Variants in ESCO2 observed in about 807,000 individuals in gnomAD.
The protein encoded by ESCO2 is N-acetyltransferase ESCO2.
A neutral mutation model predicts 61.7 loss-of-function variants in ESCO2; 51 were observed. The observed-to-expected ratio is 0.83, with a 90% confidence interval of 0.66 to 1.04. The LOEUF (loss-of-function observed/expected upper bound fraction) is 1.04. Among genes scored for constraint, ESCO2 ranks in the 50% least tolerant of loss-of-function variants. The probability of loss-of-function intolerance (pLI) is 0.00; values close to 1 mark genes in which losing one functional copy is unlikely to be tolerated. For missense variants in ESCO2, 692 were observed against 686.2 expected (o/e 1.01, Z -0.09); for synonymous variants, 230 against 238.2 (o/e 0.97, Z 0.32).
chr8:27,802,883 A>C (rs557529903), intron 10 of ESCO2, among the ~76,000 whole-genome samples: 1 of 151,176 alleles, frequency 6.6e-6, no homozygotes, highest in East Asian at 2.0e-4. Flanking sequence ...AGTAGCTGGG[A>C]CTACAGGCAT....
Position 27,775,506 on chromosome 8 carries a change from A to T in ESCO2, c.-9A>T, listed in dbSNP as rs750009035. Reference sequence around the variant, plus strand: ...TATTGTCATTTCTTTTAGGAATTCAATAAAGAAAATGGCAGCTCTTACTCC... The same window carrying T: ...TATTGTCATTTCTTTTAGGAATTCATTAAAGAAAATGGCAGCTCTTACTCC... On this transcript the variant is annotated 5_prime_UTR_variant, in exon 2 of 11. Coordinates refer to ENST00000305188, the MANE Select transcript of ESCO2 (RefSeq NM_001017420.3). 2 of 1,613,382 alleles carry T rather than the reference A, an allele frequency of 1.2e-6. No homozygotes were observed. The highest frequency in any genetic ancestry group is 1.7e-6 in the Non-Finnish European group (2 of 1,179,406).
intron 5 of ESCO2, among the ~76,000 whole-genome samples, chr8:27,785,954 CAAG>C (rs1340614641): frequency 2.0e-5 from 3 of 152,046 alleles, no homozygotes; most frequent in Admixed American, 1.3e-4. Context: ...GTCTTGCTAT[CAAG>C]GAGGTTATGG....
rs1372430419 is a variant in ESCO2, at chr8:27,792,817, G to T, written c.1497+6G>T. On this transcript the variant is annotated splice_donor_region_variant and intron_variant, in intron 9 of 10. Coordinates refer to ENST00000305188, the MANE Select transcript of ESCO2 (RefSeq NM_001017420.3). ...TTGCAGAACCCATCAAACAGGTATG[G>T]TATATTTGTTTTAAATTATTGGCAT... The T allele has an allele frequency of 3.2e-6, 5 of 1,568,632 alleles. No individual in the cohort carries two copies. Among genetic ancestry groups the T allele is most frequent in the Non-Finnish European group, 4.3e-6 (5 of 1,160,690 alleles).
At chr8:27,809,035 G>A (rs1805618558), downstream of ESCO2, among the ~76,000 whole-genome samples, 1 of 152,082 alleles carries the variant, frequency 6.6e-6, no homozygotes, top group Admixed American at 6.6e-5. Context: ...ATGTATTAAA[G>A]AGCCAATTCA....
Position 27,776,860 on chromosome 8 carries a change from A to T in ESCO2, c.552A>T (p.Ser184=). The T allele has an allele frequency of 1.2e-6, 2 of 1,614,190 alleles. No individual in the cohort carries two copies. Among genetic ancestry groups the T allele is most frequent in the Non-Finnish European group, 1.7e-6 (2 of 1,180,040 alleles). ...TGGAGAAGGAAAATAATTGTCATTCAGCTGAAAATAATTCCAATGCTCCTC... is the reference window on the plus strand; with the variant it reads ...TGGAGAAGGAAAATAATTGTCATTCTGCTGAAAATAATTCCAATGCTCCTC... ...PIVEKENNCH[S]AENNSNAPRV... The change falls in exon 3 of 11, where the codon TCA becomes TCT. Residue 184 remains serine (S), a synonymous_variant. Coordinates refer to ENST00000305188, the MANE Select transcript of ESCO2 (RefSeq NM_001017420.3).
chr8:27,777,319 A>G, intron 3 of ESCO2, 150 bp downstream of exon 3: 2 of 731,194 alleles, frequency 2.7e-6, no homozygotes, highest in Non-Finnish European at 4.2e-6. Flanking sequence ...TTATTTATTT[A>G]TTTTAAGACA....
chr8:27,808,161 A>G (rs754820693), downstream of ESCO2: 10 of 1,029,466 alleles, frequency 9.7e-6, no homozygotes, highest in South Asian at 1.7e-4. Flanking sequence ...TGTCTAGTTT[A>G]AAATCCTTTC....
intron 3 of ESCO2, chr8:27,779,547 CTT>C (rs756504029): frequency 2.0e-5 from 3 of 152,178 alleles, no homozygotes; most frequent in Non-Finnish European, 2.9e-5. Flanking sequence ...GCTGGGGAAA[CTT>C]TTGCCATTTT....
downstream of ESCO2, chr8:27,809,579 C>T (rs1383745985): frequency 6.6e-6 from 1 of 152,014 alleles, no homozygotes; most frequent in East Asian, 1.9e-4. Context: ...AGTTTAATGA[C>T]AACACTCAAA....
At chr8:27,784,764 C>T (rs1039341703) in intron 5 of ESCO2, among the ~76,000 whole-genome samples, 3 of 152,160 alleles carry the variant, frequency 2.0e-5, no homozygotes, top group African/African-American at 7.2e-5. Flanking sequence ...CATCCTCTTC[C>T]TAAGCAGCTT....
At chr8:27,781,639 C>G (rs1165156604) in intron 4 of ESCO2, among the ~76,000 whole-genome samples, 1 of 150,876 alleles carries the variant, frequency 6.6e-6, no homozygotes, top group African/African-American at 2.4e-5. Flanking sequence ...TGGCTCACTG[C>G]AGCCTCCACC....
At chr8:27,785,342 C>T (rs113603436) in intron 5 of ESCO2, among the ~76,000 whole-genome samples, 13 of 152,290 alleles carry the variant, frequency 8.5e-5, no homozygotes, top group South Asian at 4.1e-4. Context: ...CTTTGGGGGA[C>T]GTGTTCAAAC....
rs755411890 is a variant in ESCO2, at chr8:27,784,016, T to C, written c.972T>C (p.Thr324=). ...CCCTACCAGTTTCTCCTAAGTCCAC[T>C]GTCTATCCAATCTTCAGTGCATCTT... ...GENKTISPKS[T]VYPIFSASSV... is the part of the protein sequence containing the mutation. Residue 324 remains threonine, a synonymous_variant, in exon 5 of 11, where the codon ACT becomes ACC. Transcript: ENST00000305188. 22 of 1,613,468 alleles carry C rather than the reference T, an allele frequency of 1.4e-5. No homozygotes were observed. Among genetic ancestry groups the C allele is most frequent in the Non-Finnish European group, 1.9e-5 (22 of 1,179,604 alleles).
chr8:27,811,196 A>T, downstream of ESCO2: 1 of 1,468,872 alleles, frequency 6.8e-7, no homozygotes, highest in Non-Finnish European at 9.5e-7. Flanking sequence ...CAAGCAACCC[A>T]AAGGGAAACA....
downstream of ESCO2, chr8:27,811,007 C>G: frequency 6.2e-7 from 1 of 1,612,022 alleles, no homozygotes; most frequent in Non-Finnish European, 8.5e-7. Context: ...TCGATAAAGT[C>G]ATCATTTCCC....
chr8:27,780,311 T>G (rs1804897401), intron 4 of ESCO2, 44 bp downstream of exon 4: 2 of 1,174,366 alleles, frequency 1.7e-6, no homozygotes, highest in Admixed American at 1.7e-5. Context: ...AAATAATGCT[T>G]TATTACATAC....
Position 27,804,148 on chromosome 8 carries a change from T to A in ESCO2, c.*710T>A. On this transcript the variant is annotated 3_prime_UTR_variant, in exon 11 of 11. Transcript: ENST00000305188. ...TGTAACAAGATGGTAAGGAATAAGATTATCCCATATGCATTTCTGTAGAGC... is the reference window on the plus strand; with the variant it reads ...TGTAACAAGATGGTAAGGAATAAGAATATCCCATATGCATTTCTGTAGAGC... The A allele has an allele frequency of 1.0e-6, 1 of 985,402 alleles. No individual in the cohort carries two copies. Among genetic ancestry groups the A allele is most frequent in the Non-Finnish European group, 1.2e-6 (1 of 829,886 alleles). The allele number at this position is 985,402 out of a possible 1,614,324, so 61.0% of individuals were successfully genotyped here. A position where few individuals can be genotyped will look rare whatever the true frequency, so the allele number is the denominator to read the frequency against.
chr8:27,780,359 C>A, intron 4 of ESCO2, 92 bp downstream of exon 4: 7 of 875,768 alleles, frequency 8.0e-6, no homozygotes, highest in Non-Finnish European at 1.3e-5. Flanking sequence ...CTGGGTCTTT[C>A]TTTTTTCAGT....
chr8:27,803,168 G>T lies in ESCO2; in HGVS notation c.1674-138G>T, dbSNP rs1005668438. The T allele has an allele frequency of 5.7e-5, 43 of 756,786 alleles. No homozygotes were observed. In the African/African-American group the frequency reaches 7.1e-4, roughly 12 times the overall value. 46.9% of individuals were successfully genotyped at this position (756,786 alleles called of 1,614,324 possible). ...TGTGAAATGATATCATTAGACTTCT[G>T]TCTCTAAAATATAAGGCATTTTTTC... On this transcript the variant is annotated intron_variant, in intron 10 of 10. Coordinates refer to ENST00000305188, the MANE Select transcript of ESCO2 (RefSeq NM_001017420.3).
Sources: gnomAD v4.1 joint callset for allele counts (sites outside exome capture counted in the v4.1 genomes callset) on GRCh38, gnomAD v4.1.1 for gene constraint, MANE v1.5 for transcripts, NCBI Gene and HGNC (gene_info 2026-07-23, HGNC 2026-07-21) for gene names.